FAM135A: variants seen among roughly 807,000 people sequenced by gnomAD.
The protein encoded by FAM135A is family with sequence similarity 135 member A.
In FAM135A, 79 loss-of-function variants were observed where a neutral mutation model predicts 146.8. That is an observed-to-expected ratio of 0.54 (90% CI 0.45 to 0.65). The LOEUF (loss-of-function observed/expected upper bound fraction) is 0.65, where lower values mean the gene tolerates loss of function less well. FAM135A is among the 30% of genes least tolerant of loss of function. FAM135A has a pLI of 0.00. For synonymous variants in FAM135A, 562 were observed against 603.6 expected (o/e 0.93, Z 1.01); for missense variants, 1,623 against 1,758.2 (o/e 0.92, Z 1.38).
chr6:70,472,511 C>A (rs75956258), intron 5 of FAM135A, among the ~76,000 whole-genome samples: 3,833 of 152,218 alleles, frequency 0.025, 166 homozygotes, highest in African/African-American at 0.088. Flanking sequence ...AGAATATTCT[C>A]CTGCATAACC....
At chr6:70,521,996 A>C (rs1310114704) in intron 12 of FAM135A, among the ~76,000 whole-genome samples, 1 of 152,134 alleles carries the variant, frequency 6.6e-6, no homozygotes, top group Non-Finnish European at 1.5e-5. Flanking sequence ...GGCTCACTGC[A>C]ACCCCTGCCT....
intron 5 of FAM135A, among the ~76,000 whole-genome samples, chr6:70,473,042 A>C (rs1468634906): frequency 6.6e-6 from 1 of 152,084 alleles, no homozygotes; most frequent in Non-Finnish European, 1.5e-5. Flanking sequence ...TCATTCACTT[A>C]TTTATTTATA....
chr6:70,455,408 A>C (rs185687407), intron 5 of FAM135A, among the ~76,000 whole-genome samples: 255 of 151,706 alleles, frequency 1.7e-3, no homozygotes, highest in African/African-American at 5.9e-3. Flanking sequence ...ACACACACAC[A>C]CACACGTATA....
chr6:70,414,047 T>C, intron 1 of FAM135A: 1 of 985,724 alleles, frequency 1.0e-6, no homozygotes, highest in Non-Finnish European at 1.2e-6. Context: ...TCTTCGTCGC[T>C]CTGTCCCTCC....
At position 70,433,973 on chromosome 6, in the gene FAM135A, T is replaced by C. The variant is rs546062297; in HGVS notation, c.77+5554T>C. The stretch of plus-strand genomic sequence containing the variant: ...TTTTAATTTTACTCTATTCTATCAT[T>C]TTGTTTAATAGAGTGGATTTTTAAA... On this transcript the variant is annotated intron_variant, in intron 4 of 21. Transcript: ENST00000418814. Among the ~76,000 whole-genome samples, 164 of 152,316 alleles carry C rather than the reference T, an allele frequency of 1.1e-3. 1 individual carries two copies. Among genetic ancestry groups the C allele is most frequent in the African/African-American group, 3.8e-3 (158 of 41,582 alleles).
chr6:70,467,463 T>C (rs1301785976), intron 5 of FAM135A, among the ~76,000 whole-genome samples: 1 of 152,138 alleles, frequency 6.6e-6, no homozygotes, highest in East Asian at 1.9e-4. Context: ...GAGAAATTTC[T>C]TAATTTGTTA....
Position 70,506,201 on chromosome 6 carries a change from C to G in FAM135A, c.1029+3410C>G, listed in dbSNP as rs144255464. Among the ~76,000 whole-genome samples the G allele has an allele frequency of 2.6e-4, 40 of 152,160 alleles. 1 individual carries two copies. In the East Asian group the frequency reaches 7.3e-3, roughly 28 times the overall value. ...AGCATTAAAGGATCTCACTGACATT[C>G]TTTTTTTGGAAATTTAGGACTCTGA... On this transcript the variant is annotated intron_variant, in intron 12 of 21. Transcript: ENST00000418814.
intron 2 of FAM135A, among the ~76,000 whole-genome samples, chr6:70,419,797 A>C (rs776571647): frequency 2.0e-5 from 3 of 152,172 alleles, no homozygotes; most frequent in African/African-American, 7.2e-5. Flanking sequence ...TGAACATTTC[A>C]AAGTATGTAT....
intron 12 of FAM135A, among the ~76,000 whole-genome samples, chr6:70,520,307 C>T (rs1242939027): frequency 6.6e-6 from 1 of 151,628 alleles, no homozygotes; most frequent in South Asian, 2.1e-4. Flanking sequence ...AGTGCAAGGA[C>T]GTAAAAAACA....
intron 5 of FAM135A, among the ~76,000 whole-genome samples, chr6:70,464,246 C>T (rs1161260198): frequency 6.6e-6 from 1 of 152,202 alleles, no homozygotes; most frequent in Non-Finnish European, 1.5e-5. Flanking sequence ...CTCTAATTAT[C>T]TCAAGTCTTT....
chr6:70,463,259 C>CT lies in FAM135A; in HGVS notation c.157+10696dup, dbSNP rs576315744. 3.0e-3 allele frequency among the ~76,000 whole-genome samples: 458 copies of CT among 151,612 alleles called. 3 individuals are homozygous for CT. The highest frequency in any genetic ancestry group is 0.011 in the African/African-American group (437 of 41,372). On this transcript the variant is annotated intron_variant, in intron 5 of 21. Coordinates refer to ENST00000418814, the MANE Select transcript of FAM135A (RefSeq NM_001162529.3). ...TTGCCTTGCTGTCATAGTCCTTTTTCTTTTTTTTGAGATAGGGTCTTGCTC... is the reference window on the plus strand; with the variant it reads ...TTGCCTTGCTGTCATAGTCCTTTTTCTTTTTTTTTGAGATAGGGTCTTGCTC...
intron 16 of FAM135A, among the ~76,000 whole-genome samples, chr6:70,530,881 C>T (rs773982441): frequency 2.6e-5 from 4 of 152,172 alleles, no homozygotes; most frequent in Non-Finnish European, 5.9e-5. Flanking sequence ...ACCAGCCATT[C>T]TAGTAAATTT....
At chr6:70,462,740 A>G (rs965466188) in intron 5 of FAM135A, among the ~76,000 whole-genome samples, 1 of 152,086 alleles carries the variant, frequency 6.6e-6, no homozygotes, top group African/African-American at 2.4e-5. Context: ...TTCTTCCTAT[A>G]TGCTACTACC....
At chr6:70,519,291 T>A (rs899527928) in intron 12 of FAM135A, among the ~76,000 whole-genome samples, 1 of 152,226 alleles carries the variant, frequency 6.6e-6, no homozygotes, top group Non-Finnish European at 1.5e-5. Flanking sequence ...CTTGAATAGA[T>A]GAAGAGTTGC....
chr6:70,472,298 T>C (rs1372669931), intron 5 of FAM135A, among the ~76,000 whole-genome samples: 1 of 152,210 alleles, frequency 6.6e-6, no homozygotes, highest in East Asian at 1.9e-4. Flanking sequence ...TTTCTTTCCC[T>C]TCTCAGCTCT....
intron 12 of FAM135A, chr6:70,503,017 T>C (rs1788921869): frequency 1.2e-5 from 4 of 329,100 alleles, no homozygotes; most frequent in African/African-American, 6.3e-5. Flanking sequence ...AAAAACCACC[T>C]AAAAGTAAGT....
At chr6:70,469,651 T>C (rs1421923547) in intron 5 of FAM135A, among the ~76,000 whole-genome samples, 1 of 152,130 alleles carries the variant, frequency 6.6e-6, no homozygotes, top group Non-Finnish European at 1.5e-5. Flanking sequence ...ACCTAGCCAG[T>C]CTGGCTTCAC....
chr6:70,447,219 A>T (rs898720873), intron 4 of FAM135A, among the ~76,000 whole-genome samples: 5 of 152,188 alleles, frequency 3.3e-5, no homozygotes, highest in African/African-American at 1.2e-4. Context: ...AATTTGATTT[A>T]CCCAGTAAGC....
chr6:70,539,231 G>C lies in FAM135A; in HGVS notation c.4228+830G>C, dbSNP rs144961096. ...TGAAAGTGGAGACGTAACTGAAACA[G>C]ATTTTTTTCTTCCCCTCCTCGCCCC... On this transcript the variant is annotated intron_variant, in intron 20 of 21. Transcript: ENST00000418814. Among the ~76,000 whole-genome samples, 409 of 152,214 alleles carry C rather than the reference G, an allele frequency of 2.7e-3. 1 individual carries two copies. Among genetic ancestry groups the C allele is most frequent in the Non-Finnish European group, 4.7e-3 (323 of 68,012 alleles).
Sources: allele counts gnomAD v4.1 joint callset (sites outside exome capture counted in the v4.1 genomes callset), GRCh38; gene constraint gnomAD v4.1.1; transcripts MANE v1.5; gene names NCBI Gene and HGNC (gene_info 2026-07-23, HGNC 2026-07-21).